GBP3: variants seen among roughly 807,000 people sequenced by gnomAD.
GBP3 encodes guanylate binding protein 3, also known as guanylate-binding protein 3.
In GBP3, 55 loss-of-function variants were observed where a neutral mutation model predicts 62.4. The ratio of observed to expected loss-of-function variants is 0.88; its 90% CI spans 0.71 to 1.10. GBP3 has a LOEUF of 1.10. Ranked by LOEUF, GBP3 falls within the 50% of genes least tolerant of loss-of-function variation. GBP3 has a pLI of 0.00. For missense variants in GBP3, 605 were observed against 690.6 expected (o/e 0.88, Z 1.39); for synonymous variants, 208 against 259.2 (o/e 0.80, Z 1.90).
At chr1:89,009,606 T>A in intron 8 of GBP3, 112 bp from the exon 9 acceptor site, 1 of 1,472,018 alleles carries the variant, frequency 6.8e-7, no homozygotes, top group Non-Finnish European at 9.2e-7. Flanking sequence ...GGCCCTGGTG[T>A]GCCTGGTGGT....
At chr1:89,008,801 G>A in intron 10 of GBP3, 146 bp downstream of exon 10, 1 of 1,458,104 alleles carries the variant, frequency 6.9e-7, no homozygotes, top group Non-Finnish European at 9.1e-7. Context: ...GCCATTTCAA[G>A]TCAGACAGAC....
intron 1 of GBP3, among the ~76,000 whole-genome samples, chr1:89,022,213 C>T (rs1225501308): frequency 1.3e-5 from 2 of 152,104 alleles, no homozygotes; most frequent in African/African-American, 4.8e-5. Context: ...TGTCTATAAC[C>T]GTGTCAGTGG....
intron 2 of GBP3, among the ~76,000 whole-genome samples, chr1:89,015,843 C>T (rs1322543594): frequency 1.3e-5 from 2 of 151,026 alleles, no homozygotes; most frequent in African/African-American, 4.9e-5. Context: ...CTGCTTCATA[C>T]TCAATGGTGA....
intron 9 of GBP3, 47 bp from the exon 10 acceptor site, chr1:89,009,187 A>G: frequency 6.4e-7 from 1 of 1,574,612 alleles, no homozygotes; most frequent in Non-Finnish European, 8.7e-7. Flanking sequence ...TTGTTGCCTC[A>G]TTCTTAGTTA....
intron 2 of GBP3, among the ~76,000 whole-genome samples, chr1:89,017,380 C>T (rs1188468666): frequency 6.7e-6 from 1 of 148,594 alleles, no homozygotes; most frequent in African/African-American, 2.5e-5. Context: ...CAAAATGGAT[C>T]AAAGAACTAA....
intron 2 of GBP3, among the ~76,000 whole-genome samples, chr1:89,016,418 C>T (rs921596335): frequency 6.6e-6 from 1 of 152,090 alleles, no homozygotes; most frequent in Non-Finnish European, 1.5e-5. Context: ...ACTCGGGTGG[C>T]TGAGGCATGA....
chr1:89,014,134 G>A lies in GBP3; in HGVS notation c.574C>T (p.Gln192Ter). 2 of 1,614,190 alleles carry A rather than the reference G, an allele frequency of 1.2e-6. No individual in the cohort carries two copies. Among genetic ancestry groups the A allele is most frequent in the Non-Finnish European group, 1.7e-6 (2 of 1,180,020 alleles). The change falls in exon 5 of 11, where the codon CAA (glutamine) becomes TAA (stop). Residue 192 changes from glutamine (Q) to a stop codon, truncating the protein, a stop_gained. Coordinates refer to ENST00000370481, the MANE Select transcript of GBP3 (RefSeq NM_018284.3). LOFTEE classifies it high-confidence loss of function. ...AGGTACTCATCTGGTGTGAGGGGTT[G>A]TCCATCTGCTTCCAAGTCCAGGGAG... ...DFSLDLEADG[Q>*]PLTPDEYLEY... is the part of the protein sequence containing the mutation.
At chr1:89,013,135 G>C in intron 6 of GBP3, 50 bp downstream of exon 6, 1 of 1,583,858 alleles carries the variant, frequency 6.3e-7, no homozygotes, top group South Asian at 1.1e-5. Context: ...ATCATGCCTG[G>C]CCATCCTTTA....
At chr1:89,019,006 T>C (rs1252744892) in intron 2 of GBP3, among the ~76,000 whole-genome samples, 2 of 152,248 alleles carry the variant, frequency 1.3e-5, no homozygotes, top group Non-Finnish European at 2.9e-5. Flanking sequence ...CCCTTGTGCA[T>C]TTCTGTTGGG....
Position 89,013,500 on chromosome 1 carries a change from G to T in GBP3, c.626-73C>A, listed in dbSNP as rs1678707557. 2.1e-6 allele frequency: 3 copies of T among 1,454,200 alleles called. No individual in the cohort carries two copies. In the South Asian group the frequency reaches 4.1e-5, roughly 20 times the overall value. The allele number at this position is 1,454,200 out of a possible 1,614,324, so 90.1% of individuals were successfully genotyped here. On this transcript the variant is annotated intron_variant, in intron 5 of 10. Coordinates refer to ENST00000370481, the MANE Select transcript of GBP3 (RefSeq NM_018284.3). The stretch of plus-strand genomic sequence containing the variant: ...AAGCGTCAAATAGTAAATATTTTAG[G>T]CTCTGCAGGCTAGGTGGTCTCTTTT...
intron 8 of GBP3, among the ~76,000 whole-genome samples, chr1:89,010,457 T>C (rs1474760481): frequency 7.3e-6 from 1 of 137,494 alleles, no homozygotes; most frequent in Non-Finnish European, 1.7e-5. Flanking sequence ...TCTGGCTCTG[T>C]TGCCCAGGCC....
intron 2 of GBP3, among the ~76,000 whole-genome samples, chr1:89,018,499 C>T (rs141414392): frequency 0.021 from 3,209 of 152,278 alleles, 69 homozygotes; most frequent in Middle Eastern, 0.068. Flanking sequence ...TCTAGCTTCA[C>T]GTCTTGTTTC....
At position 89,009,072 on chromosome 1, in the gene GBP3, G is replaced by A. The variant is rs1359519870; in HGVS notation, c.1534C>T (p.Gln512Ter). 6.2e-7 allele frequency: 1 copy of A among 1,613,886 alleles called. No homozygotes were observed. Among genetic ancestry groups the A allele is most frequent in the African/African-American group, 1.3e-5 (1 of 74,904 alleles). Residue 512 changes from glutamine to a stop codon, truncating the protein, a stop_gained, in exon 10 of 11, where the codon CAG becomes TAG. Transcript: ENST00000370481. LOFTEE classifies it high-confidence loss of function. ...KMVEEMQIKY[Q>*]QMMEEKEKSY... ...TTCTCTTTCTCTTCCATCATCTGCTGATACTTTATTTGCATTTCCTCCACC... is the reference window on the plus strand; with the variant it reads ...TTCTCTTTCTCTTCCATCATCTGCTAATACTTTATTTGCATTTCCTCCACC...
Position 89,011,095 on chromosome 1 carries a change from C to G in GBP3, c.1171G>C (p.Asp391His). ...TCTTGATTCTGTTTACAAAAGTCAT[C>G]CCGCTTTTTGTCTAGCTGGGCCTTT... ...KLAAQLDKKRDDFCKQNQEAS... is the reference protein window; with the variant it reads ...KLAAQLDKKRHDFCKQNQEAS... Residue 391 changes from aspartate to histidine, a missense_variant, in exon 8 of 11, where the codon GAT (aspartate) becomes CAT (histidine). Asp to His is a moderately conservative substitution (Grantham distance 81, BLOSUM62 -1). Coordinates refer to ENST00000370481, the MANE Select transcript of GBP3 (RefSeq NM_018284.3). 3 of 1,461,878 alleles carry G rather than the reference C, an allele frequency of 2.1e-6. 1 individual carries two copies. Among genetic ancestry groups the G allele is most frequent in the Non-Finnish European group, 2.8e-6 (3 of 1,054,994 alleles). 90.6% of individuals were successfully genotyped at this position (1,461,878 alleles called of 1,614,324 possible). A position where few individuals can be genotyped will look rare whatever the true frequency, so the allele number is the denominator to read the frequency against.
In GBP3 at chr1:89,013,337, G is replaced by A; in HGVS notation, c.716C>T (p.Pro239Leu). The change falls in exon 6 of 11, where the codon CCC becomes CTC. Residue 239 changes from proline (P) to leucine (L), a missense_variant. This residue lies in a region of GBP3 where 308 missense variants were observed against 318.0 expected (regional missense o/e 0.97). Transcript: ENST00000370481. ...PKKKCFVFDL[P>L]IHRRKLAQLE... ...CTGGGCAAGCTTCCTGCGGTGAATG[G>A]GCAGATCGAAGACAAAACATTTTTT... The A allele has an allele frequency of 6.2e-7, 1 of 1,614,160 alleles. No homozygotes were observed. The highest frequency in any genetic ancestry group is 8.5e-7 in the Non-Finnish European group (1 of 1,180,028).
rs199996250 is a variant in GBP3, at chr1:89,013,344, C to T, written c.709G>A (p.Asp237Asn). 181 of 1,614,112 alleles carry T rather than the reference C, an allele frequency of 1.1e-4. No individual in the cohort carries two copies. In the African/African-American group the frequency reaches 1.7e-3, roughly 15 times the overall value. Residue 237 changes from aspartate (D) to asparagine (N), a missense_variant, in exon 6 of 11, where the codon GAT becomes AAT. Asp to Asn is a conservative substitution (Grantham distance 23). Around this residue, in one of 3 missense-constraint regions of GBP3, gnomAD observed 308 missense variants for 318.0 expected, o/e 0.97. Coordinates refer to ENST00000370481, the MANE Select transcript of GBP3 (RefSeq NM_018284.3). ...FFPKKKCFVF[D>N]LPIHRRKLAQ... The stretch of plus-strand genomic sequence containing the variant: ...AGCTTCCTGCGGTGAATGGGCAGAT[C>T]GAAGACAAAACATTTTTTCTTTGGG...
At chr1:89,015,503 T>G in intron 2 of GBP3, 89 bp from the exon 3 acceptor site, 8 of 1,288,672 alleles carry the variant, frequency 6.2e-6, no homozygotes, top group Non-Finnish European at 8.5e-6. Context: ...ATGATTAATG[T>G]TAAGAGAGAT....
chr1:89,020,613 G>C lies in GBP3; in HGVS notation c.109C>G (p.Pro37Ala), dbSNP rs1223083275. The change falls in exon 2 of 11, where the codon CCT (proline) becomes GCT (alanine). Residue 37 changes from proline to alanine, a missense_variant. Around this residue, in one of 3 missense-constraint regions of GBP3, gnomAD observed 308 missense variants for 318.0 expected, o/e 0.97. Coordinates refer to ENST00000370481, the MANE Select transcript of GBP3 (RefSeq NM_018284.3). Reference protein sequence around the residue: ...ALKILSAITQPVVVVAIVGLY... With the variant: ...ALKILSAITQAVVVVAIVGLY... ...CCCACAATTGCCACCACCACCACAG[G>C]CTGTGTAATGGCAGACAGGATTTTC... is the stretch of plus-strand genomic sequence containing the variant. 3 of 1,614,152 alleles carry C rather than the reference G, an allele frequency of 1.9e-6. No homozygotes were observed. The highest frequency in any genetic ancestry group is 2.5e-6 in the Non-Finnish European group (3 of 1,180,012).
At chr1:89,015,263 C>A in intron 3 of GBP3, 24 bp downstream of exon 3, 1 of 1,569,646 alleles carries the variant, frequency 6.4e-7, no homozygotes, top group Non-Finnish European at 8.6e-7. Context: ...GGGCTTATTT[C>A]AAAATTGAAT....
Sources: allele counts gnomAD v4.1 joint callset (sites outside exome capture counted in the v4.1 genomes callset), GRCh38; gene constraint gnomAD v4.1.1; regional missense constraint gnomAD v4.1.1; transcripts MANE v1.5; gene names NCBI Gene and HGNC (gene_info 2026-07-23, HGNC 2026-07-21).